Variants in CRB1 observed in about 807,000 individuals in gnomAD.
The protein encoded by CRB1 is crumbs cell polarity complex component 1, also known as protein crumbs homolog 1.
A neutral mutation model predicts 120.0 loss-of-function variants in CRB1; 83 were observed. That is an observed-to-expected ratio of 0.69 (90% CI 0.58 to 0.83). The LOEUF is 0.83. CRB1 is among the 40% of genes least tolerant of loss of function. The pLI, the probability that CRB1 is intolerant of heterozygous loss-of-function variation, is 0.00. For synonymous variants in CRB1, 625 were observed against 612.5 expected (o/e 1.02, Z -0.30); for missense variants, 1,699 against 1,687.6 (o/e 1.01, Z -0.12).
chr1:197,441,421 A>G (rs1327419579), intron 10 of CRB1: 1 of 152,174 alleles, frequency 6.6e-6, no homozygotes, highest in Non-Finnish European at 1.5e-5. Flanking sequence ...GGAAGAAGAA[A>G]ACTTCAATTT....
intron 11 of CRB1, chr1:197,444,906 T>TACACAC (rs59391242): frequency 0.033 from 4,901 of 147,408 alleles, 123 homozygotes; most frequent in East Asian, 0.073. Context: ...CAGCCATGCA[T>TACACAC]ACACACACAC....
chr1:197,399,691 A>G (rs764205043), intron 5 of CRB1, among the ~76,000 whole-genome samples: 2 of 152,166 alleles, frequency 1.3e-5, no homozygotes, highest in South Asian at 2.1e-4. Context: ...AGTCTCTCAC[A>G]TGGCTACAAT....
At chr1:197,293,952 T>TA (rs1188896401) in intron 1 of CRB1, among the ~76,000 whole-genome samples, 1 of 152,086 alleles carries the variant, frequency 6.6e-6, no homozygotes, top group Non-Finnish European at 1.5e-5. Flanking sequence ...CCTAAGACCA[T>TA]AAAAACCCTA....
At chr1:197,337,616 G>C (rs1273860682) in intron 2 of CRB1, among the ~76,000 whole-genome samples, 1 of 152,102 alleles carries the variant, frequency 6.6e-6, no homozygotes, top group Non-Finnish European at 1.5e-5. Flanking sequence ...TGCTACTAAT[G>C]AATACCTATG....
Position 197,435,404 on chromosome 1 carries a change from T to A in CRB1, c.3541T>A (p.Cys1181Ser), listed in dbSNP as rs62636291. 1 of 1,605,916 alleles carries A rather than the reference T, an allele frequency of 6.2e-7. No individual in the cohort carries two copies. The highest frequency in any genetic ancestry group is 8.5e-7 in the Non-Finnish European group (1 of 1,175,412). The change falls in exon 9 of 12, where the codon TGC becomes AGC. Residue 1181 changes from cysteine to serine, a missense_variant. Cys to Ser is a moderately radical substitution (Grantham distance 112). Coordinates refer to ENST00000367400, the MANE Select transcript of CRB1 (RefSeq NM_201253.3). ...ACACTGTGAACTCAACATCGATGAATGCTTTTCAAACCCCTGTATCCATGG... is the reference window on the plus strand; with the variant it reads ...ACACTGTGAACTCAACATCGATGAAAGCTTTTCAAACCCCTGTATCCATGG... ...GKHCELNIDE[C>S]FSNPCIHGNC...
chr1:197,296,827 C>A (rs527465865), intron 1 of CRB1, among the ~76,000 whole-genome samples: 1 of 152,064 alleles, frequency 6.6e-6, no homozygotes, highest in Admixed American at 6.6e-5. Flanking sequence ...ACCCCTTTCA[C>A]TTGGTCCTCA....
In CRB1 at chr1:197,304,954, C is replaced by T. The variant is rs115388005; in HGVS notation, c.71-23468C>T. Among the ~76,000 whole-genome samples the T allele has an allele frequency of 2.9e-3, 445 of 152,318 alleles. 1 individual carries two copies. The highest frequency in any genetic ancestry group is 0.01 in the African/African-American group (425 of 41,592). On this transcript the variant is annotated intron_variant, in intron 1 of 11. Transcript: ENST00000367400. ...ACCTTGTGTTTTGTATTCGACAATT[C>T]CAGCTTCAGCCTGAGAGTTCTGTAG...
At chr1:197,464,919 T>G (rs1311591576) in intron 11 of CRB1, among the ~76,000 whole-genome samples, 1 of 152,228 alleles carries the variant, frequency 6.6e-6, no homozygotes, top group African/African-American at 2.4e-5. Flanking sequence ...AACCAGTGGC[T>G]AAAGGAGAAG....
At chr1:197,405,980 C>T (rs1287945605) in intron 5 of CRB1, among the ~76,000 whole-genome samples, 5 of 151,652 alleles carry the variant, frequency 3.3e-5, no homozygotes, top group African/African-American at 7.2e-5. Context: ...CCCGGCCAGC[C>T]GCCCCGTCCG....
the CRB1 span, among the ~76,000 whole-genome samples, chr1:197,241,785 G>A: frequency 1.3e-5 from 2 of 151,774 alleles, no homozygotes; most frequent in Admixed American, 6.6e-5. Flanking sequence ...GCTTTGGACA[G>A]TATGGCCATT....
chr1:197,469,460 G>A (rs755504093), intron 11 of CRB1, among the ~76,000 whole-genome samples: 1 of 152,086 alleles, frequency 6.6e-6, no homozygotes, highest in Non-Finnish European at 1.5e-5. Flanking sequence ...AATTAGAACA[G>A]AATTGTAGGG....
chr1:197,356,971 G>A lies in CRB1; in HGVS notation c.1129G>A (p.Glu377Lys). 6.2e-7 allele frequency: 1 copy of A among 1,614,196 alleles called. No homozygotes were observed. The highest frequency in any genetic ancestry group is 8.5e-7 in the Non-Finnish European group (1 of 1,180,032). The change falls in exon 5 of 12, where the codon GAA (glutamate) becomes AAA (lysine). Residue 377 changes from glutamate to lysine, a missense_variant. Glu to Lys is a moderately conservative substitution (Grantham distance 56, BLOSUM62 1). Transcript: ENST00000367400. ...TGLPSSFSYH[E>K]ASGYVCICQP... is the part of the protein sequence containing the mutation. ...ACTGCCTTCTTCTTTCAGCTACCAT[G>A]AAGCCTCAGGTTATGTCTGTATCTG...
chr1:197,231,678 A>C, the CRB1 span, among the ~76,000 whole-genome samples: 3 of 152,212 alleles, frequency 2.0e-5, no homozygotes, highest in Non-Finnish European at 4.4e-5. Context: ...CAAAGTGGGC[A>C]TGCTAAAGTG....
intron 1 of CRB1, among the ~76,000 whole-genome samples, chr1:197,294,715 A>G (rs557148684): frequency 6.6e-6 from 1 of 152,330 alleles, no homozygotes; most frequent in East Asian, 1.9e-4. Flanking sequence ...ACCATGGAAT[A>G]CTATGCAGCC....
chr1:197,317,223 GC>G (rs1657906037), intron 1 of CRB1, among the ~76,000 whole-genome samples: 2 of 152,102 alleles, frequency 1.3e-5, no homozygotes, highest in Admixed American at 1.3e-4. Flanking sequence ...TTCAAGACCA[GC>G]CTGACCAACA....
the CRB1 span, among the ~76,000 whole-genome samples, chr1:197,237,516 A>G: frequency 2.0e-5 from 3 of 152,222 alleles, no homozygotes; most frequent in Non-Finnish European, 4.4e-5. Context: ...CGGTTTGAAT[A>G]TATGAATTTT....
At chr1:197,462,378 A>T (rs1666569486) in intron 11 of CRB1, among the ~76,000 whole-genome samples, 1 of 152,188 alleles carries the variant, frequency 6.6e-6, no homozygotes, top group African/African-American at 2.4e-5. Flanking sequence ...TTAATCTATA[A>T]GGAAATATAA....
Position 197,311,303 on chromosome 1 carries a change from A to G in CRB1, c.71-17119A>G, listed in dbSNP as rs539805835. On this transcript the variant is annotated intron_variant, in intron 1 of 11. Transcript: ENST00000367400. ...AGTCAGAAAGAGAAATGCAAATACT[A>G]TATGATCTCATTTCTATGTGGAATT... is the stretch of plus-strand genomic sequence containing the variant. Among the ~76,000 whole-genome samples the G allele has an allele frequency of 2.6e-5, 4 of 152,314 alleles. No homozygotes were observed. The East Asian group carries it at 5.8e-4, about 22-fold the overall frequency.
chr1:197,352,686 CTTTT>C (rs5779865), intron 4 of CRB1, among the ~76,000 whole-genome samples: 4 of 137,158 alleles, frequency 2.9e-5, no homozygotes, highest in Admixed American at 7.2e-5. Context: ...TTTTACTTTC[CTTTT>C]TTTTTTTTTT....
Sources: gnomAD v4.1 joint callset for allele counts (sites outside exome capture counted in the v4.1 genomes callset) on GRCh38, gnomAD v4.1.1 for gene constraint, MANE v1.5 for transcripts, NCBI Gene and HGNC (gene_info 2026-07-23, HGNC 2026-07-21) for gene names.